PRKCA: variants seen among roughly 807,000 people sequenced by gnomAD.
PRKCA encodes protein kinase C alpha type.
Under a neutral mutation model 87.0 loss-of-function variants are expected in PRKCA, and 27 were observed. The observed-to-expected ratio is 0.31, with a 90% CI of 0.23 to 0.43. PRKCA has a LOEUF of 0.43. PRKCA is among the 20% of genes least tolerant of loss of function. PRKCA has a pLI of 1.00. For synonymous variants in PRKCA, 329 were observed against 311.1 expected, an observed-to-expected ratio of 1.06 and a Z score of -0.61; for missense variants, 518 against 852.3, an observed-to-expected ratio of 0.61 and a Z score of 4.88.
Position 66,434,290 on chromosome 17 carries a change from C to A in PRKCA, c.206-61911C>A, listed in dbSNP as rs574180654. Among the ~76,000 whole-genome samples the A allele has an allele frequency of 6.6e-5, 10 of 151,972 alleles. No homozygotes were observed. In the South Asian group the frequency reaches 2.1e-3, roughly 32 times the overall value. ...GATGGGAGTGTGAATGGAAGACAGC[C>A]CGTCTTCATTAGACTTTACAATGTG... is the stretch of plus-strand genomic sequence containing the variant. On this transcript the variant is annotated intron_variant, in intron 2 of 16. Coordinates refer to ENST00000413366, the MANE Select transcript of PRKCA (RefSeq NM_002737.3).
chr17:66,387,070 A>C (rs1040727212), intron 2 of PRKCA, among the ~76,000 whole-genome samples: 7 of 152,336 alleles, frequency 4.6e-5, no homozygotes, highest in African/African-American at 1.7e-4. Flanking sequence ...GGGGCTTGAT[A>C]TTTGCATATG....
chr17:66,649,719 G>A (rs187658497), intron 5 of PRKCA, among the ~76,000 whole-genome samples: 1 of 152,234 alleles, frequency 6.6e-6, no homozygotes, highest in East Asian at 1.9e-4. Flanking sequence ...AGTTTTTTGA[G>A]GTCACGGAAG....
At chr17:66,548,897 T>C (rs1968238871) in intron 3 of PRKCA, among the ~76,000 whole-genome samples, 1 of 151,520 alleles carries the variant, frequency 6.6e-6, no homozygotes, top group Non-Finnish European at 1.5e-5. Flanking sequence ...AGCCTCCGCC[T>C]CCCGGGCTCA....
intron 2 of PRKCA, among the ~76,000 whole-genome samples, chr17:66,317,671 G>T (rs1432857298): frequency 6.6e-6 from 1 of 152,010 alleles, no homozygotes; most frequent in Admixed American, 6.6e-5. Flanking sequence ...GATTTGTGGT[G>T]CTGTTTGTGA....
chr17:66,550,345 A>C (rs577183994), intron 3 of PRKCA, among the ~76,000 whole-genome samples: 74 of 152,248 alleles, frequency 4.9e-4, no homozygotes, highest in Non-Finnish European at 7.9e-4. Flanking sequence ...TGAAAGTTCC[A>C]CGGCAGGTTA....
intron 2 of PRKCA, among the ~76,000 whole-genome samples, chr17:66,330,750 ATTAGT>A (rs1367235832): frequency 1.3e-5 from 2 of 152,192 alleles, no homozygotes; most frequent in Admixed American, 1.3e-4. Context: ...AATTTTATAA[ATTAGT>A]TAAGATGGAC....
chr17:66,510,753 TA>T (rs1917189659), intron 3 of PRKCA, among the ~76,000 whole-genome samples: 1 of 151,254 alleles, frequency 6.6e-6, no homozygotes, highest in Non-Finnish European at 1.5e-5. Context: ...CTAATTTTAT[TA>T]TTTTTTTTTG....
intron 3 of PRKCA, among the ~76,000 whole-genome samples, chr17:66,592,211 C>T (rs543151435): frequency 1.8e-3 from 268 of 151,794 alleles, no homozygotes; most frequent in Middle Eastern, 3.4e-3. Context: ...AAAAATTAGC[C>T]GGGCATGGTG....
At chr17:66,676,012 G>C (rs975075090) in intron 5 of PRKCA, among the ~76,000 whole-genome samples, 2 of 152,110 alleles carry the variant, frequency 1.3e-5, no homozygotes, top group African/African-American at 2.4e-5. Flanking sequence ...AAGGGCGCTC[G>C]GTAAATCCTG....
At chr17:66,637,102 A>T (rs1395738532) in intron 3 of PRKCA, among the ~76,000 whole-genome samples, 2 of 152,154 alleles carry the variant, frequency 1.3e-5, no homozygotes, top group Non-Finnish European at 2.9e-5. Context: ...TACACCTCCA[A>T]ACGGTGAGAA....
chr17:66,499,033 T>C (rs961806010), intron 3 of PRKCA, among the ~76,000 whole-genome samples: 1 of 152,158 alleles, frequency 6.6e-6, no homozygotes, highest in Non-Finnish European at 1.5e-5. Context: ...TTTCAGGACA[T>C]GGACCATTAG....
chr17:66,475,032 A>G (rs908390060), intron 2 of PRKCA, among the ~76,000 whole-genome samples: 1 of 152,216 alleles, frequency 6.6e-6, no homozygotes, highest in Admixed American at 6.5e-5. Flanking sequence ...AGGGACAAAC[A>G]GAACAAGCTT....
At chr17:66,614,783 T>C (rs1382945996) in intron 3 of PRKCA, among the ~76,000 whole-genome samples, 1 of 152,204 alleles carries the variant, frequency 6.6e-6, no homozygotes, top group Non-Finnish European at 1.5e-5. Flanking sequence ...ATTCTTTTTG[T>C]GCTTACTGCC....
intron 3 of PRKCA, among the ~76,000 whole-genome samples, chr17:66,624,777 G>A (rs1230308437): frequency 8.2e-5 from 12 of 146,320 alleles, no homozygotes; most frequent in Admixed American, 5.6e-4. Flanking sequence ...GACAGAGTGA[G>A]ACTCCATCTC....
intron 2 of PRKCA, among the ~76,000 whole-genome samples, chr17:66,408,400 A>T (rs184252349): frequency 1.4e-4 from 22 of 152,342 alleles, no homozygotes; most frequent in African/African-American, 5.1e-4. Flanking sequence ...AAGGTTGTCA[A>T]ATATTGTAAC....
chr17:66,478,977 T>C (rs1598706381), intron 2 of PRKCA, among the ~76,000 whole-genome samples: 1 of 152,204 alleles, frequency 6.6e-6, no homozygotes, highest in African/African-American at 2.4e-5. Flanking sequence ...AAAGATTTCA[T>C]GACGAAGACG....
At chr17:66,578,860 C>T (rs1464568760) in intron 3 of PRKCA, among the ~76,000 whole-genome samples, 1 of 152,218 alleles carries the variant, frequency 6.6e-6, no homozygotes, top group East Asian at 1.9e-4. Flanking sequence ...TGGATCACGT[C>T]CCCATGCCGA....
chr17:66,636,679 AT>A (rs1381683935), intron 3 of PRKCA, among the ~76,000 whole-genome samples: 1 of 152,182 alleles, frequency 6.6e-6, no homozygotes, highest in East Asian at 1.9e-4. Flanking sequence ...AATTGCTTAT[AT>A]TTGTCTAAGG....
chr17:66,741,069 A>T (rs1276975320), intron 11 of PRKCA, among the ~76,000 whole-genome samples: 1 of 152,184 alleles, frequency 6.6e-6, no homozygotes, highest in African/African-American at 2.4e-5. Flanking sequence ...CAGATTTTTA[A>T]ATATTCGCCT....
Sources: allele counts gnomAD v4.1 joint callset (sites outside exome capture counted in the v4.1 genomes callset), GRCh38; gene constraint gnomAD v4.1.1; transcripts MANE v1.5; gene names NCBI Gene and HGNC (gene_info 2026-07-23, HGNC 2026-07-21).